Variants in SLK observed in about 807,000 individuals in gnomAD.
SLK encodes the protein STE20-like serine/threonine-protein kinase.
Under a neutral mutation model 147.7 loss-of-function variants are expected in SLK, and 67 were observed. That is an observed-to-expected ratio of 0.45 (90% confidence interval 0.37 to 0.56). SLK has a LOEUF of 0.56. SLK is among the 20% of genes least tolerant of loss of function. The pLI, the probability that SLK is intolerant of heterozygous loss-of-function variation, is 0.00. For missense variants in SLK, 1,136 were observed against 1,438.8 expected (o/e 0.79, Z 3.41); for synonymous variants, 441 against 475.0 (o/e 0.93, Z 0.93).
Position 104,026,486 on chromosome 10 carries a change from T to A in SLK, c.*766T>A, listed in dbSNP as rs905059736. 9 of 152,406 alleles carry A rather than the reference T, an allele frequency of 5.9e-5. No homozygotes were observed. The highest frequency in any genetic ancestry group is 1.9e-4 in the African/African-American group (8 of 41,454). The allele number at this position is 152,406 out of a possible 1,614,324, so 9.4% of individuals were successfully genotyped here. Reference sequence around the variant, plus strand: ...TTTGATAGAAATTTTCATCCTAAAATACATGTACAAAGTTTGGAAAGATGA... The same window carrying A: ...TTTGATAGAAATTTTCATCCTAAAAAACATGTACAAAGTTTGGAAAGATGA... On this transcript the variant is annotated 3_prime_UTR_variant, in exon 19 of 19. Transcript: ENST00000369755.
chr10:103,986,876 CCATG>C (rs1844023625), intron 1 of SLK, among the ~76,000 whole-genome samples: 1 of 151,992 alleles, frequency 6.6e-6, no homozygotes, highest in Admixed American at 6.6e-5. Context: ...TGGGGTTTCA[CCATG>C]TTGGCCAGGC....
chr10:104,009,516 CTA>C (rs891732323), intron 12 of SLK, among the ~76,000 whole-genome samples: 20 of 152,024 alleles, frequency 1.3e-4, no homozygotes, highest in African/African-American at 4.8e-4. Flanking sequence ...CTAAAAATCA[CTA>C]TTTTATTACT....
At chr10:104,011,878 G>A (rs947981998) in intron 13 of SLK, among the ~76,000 whole-genome samples, 3 of 152,150 alleles carry the variant, frequency 2.0e-5, no homozygotes, top group Non-Finnish European at 2.9e-5. Flanking sequence ...TCTTTACGAA[G>A]TGAGATAAAT....
At chr10:104,000,028 T>C (rs1844224992) in intron 7 of SLK, 80 bp downstream of exon 7, 2 of 640,518 alleles carry the variant, frequency 3.1e-6, no homozygotes, top group Non-Finnish European at 5.3e-6. Context: ...GTGCTTTCTT[T>C]CCACTTAAAT....
In SLK at chr10:103,979,295, G is replaced by A. The variant is rs555385509; in HGVS notation, c.151-11380G>A. Among the ~76,000 whole-genome samples, 3 of 152,342 alleles carry A rather than the reference G, an allele frequency of 2.0e-5. No homozygotes were observed. The South Asian group carries it at 6.2e-4, about 32-fold the overall frequency. On this transcript the variant is annotated intron_variant, in intron 1 of 18. Transcript: ENST00000369755. ...GCCTCCCAAAGTGCTGGGATTATAG[G>A]CGTGAGCCACCGTATCCAGCCAAGA...
intron 2 of SLK, among the ~76,000 whole-genome samples, chr10:103,991,780 G>A (rs990852718): frequency 2.6e-5 from 4 of 152,102 alleles, no homozygotes; most frequent in Admixed American, 2.0e-4. Context: ...TTAAAAATAT[G>A]TTATTTTTTA....
intron 13 of SLK, among the ~76,000 whole-genome samples, chr10:104,016,346 T>C (rs1015306901): frequency 1.3e-5 from 2 of 151,922 alleles, no homozygotes; most frequent in Non-Finnish European, 2.9e-5. Context: ...ATTTTACAAT[T>C]GAAATTAGAG....
Position 103,999,327 on chromosome 10 carries a change from T to G in SLK, c.782+14T>G. Reference sequence around the variant, plus strand: ...GCCATCCAGATGGTAAAAATATTCTTAAAAAAGCTTAATAAGAAACAAATG... The same window carrying G: ...GCCATCCAGATGGTAAAAATATTCTGAAAAAAGCTTAATAAGAAACAAATG... On this transcript the variant is annotated intron_variant, in intron 6 of 18. Transcript: ENST00000369755. 1 of 1,561,590 alleles carries G rather than the reference T, an allele frequency of 6.4e-7. No homozygotes were observed. The highest frequency in any genetic ancestry group is 8.7e-7 in the Non-Finnish European group (1 of 1,153,250).
At chr10:103,985,815 CAGG>C (rs1844005231) in intron 1 of SLK, among the ~76,000 whole-genome samples, 1 of 152,110 alleles carries the variant, frequency 6.6e-6, no homozygotes, top group Non-Finnish European at 1.5e-5. Flanking sequence ...ACTCACCACC[CAGG>C]GAATACCTTC....
At position 104,003,239 on chromosome 10, in the gene SLK, A is replaced by T. The variant is rs1844279263; in HGVS notation, c.2061A>T (p.Pro687=). 2.5e-6 allele frequency: 4 copies of T among 1,612,394 alleles called. No individual in the cohort carries two copies. Among genetic ancestry groups the T allele is most frequent in the Non-Finnish European group, 3.4e-6 (4 of 1,179,576 alleles). Residue 687 remains proline, a synonymous_variant, in exon 9 of 19, where the codon CCA becomes CCT. Coordinates refer to ENST00000369755, the MANE Select transcript of SLK (RefSeq NM_014720.4). Reference sequence around the variant, plus strand: ...TAGATAAAGAGAAAAAAGAAATTCCAGTGTCAATTAAAAAAGAGCCTGAAG... The same window carrying T: ...TAGATAAAGAGAAAAAAGAAATTCCTGTGTCAATTAAAAAAGAGCCTGAAG... The part of the protein sequence containing the change: ...TQIDKEKKEI[P]VSIKKEPEVT...
chr10:103,987,972 TTAATA>T (rs1330371870), intron 1 of SLK, among the ~76,000 whole-genome samples: 1 of 152,046 alleles, frequency 6.6e-6, no homozygotes, highest in African/African-American at 2.4e-5. Flanking sequence ...GCATAGACAT[TTAATA>T]TAAGTTTTAT....
chr10:103,990,917 A>G (rs1844084741), intron 2 of SLK, 78 bp downstream of exon 2: 1 of 855,800 alleles, frequency 1.2e-6, no homozygotes, highest in South Asian at 3.1e-5. Context: ...AATTATTAAA[A>G]CCTATTTTAT....
rs1321948337 is a variant in SLK at position 103,989,471 on chromosome 10, T to TTTTTTC, written c.151-1199_151-1198insCTTTTT. 2.0e-3 allele frequency among the ~76,000 whole-genome samples: 284 copies of TTTTTTC among 140,646 alleles called. 11 individuals carry two copies. The highest frequency in any genetic ancestry group is 7.4e-3 in the African/African-American group (268 of 36,382). 92.3% of individuals were successfully genotyped at this position (140,646 alleles called of 152,430 possible). On this transcript the variant is annotated intron_variant, in intron 1 of 18. Coordinates refer to ENST00000369755, the MANE Select transcript of SLK (RefSeq NM_014720.4). Reference sequence around the variant, plus strand: ...AAGACAGTGTGGCAGTTTCTTTTTTTTTTTTTTTTTTTTTGGAGACAGAGT... The same window carrying TTTTTTC: ...AAGACAGTGTGGCAGTTTCTTTTTTTTTTTTCTTTTTTTTTTTTTTGGAGACAGAGT...
rs1589547033 is a variant in SLK, at chr10:104,019,024, A to G, written c.3132+116A>G. ...ATTTTAGATTTCCTTTCTGTCTTTT[A>G]TCCTACAATTTCTTGGATGAAGTTT... On this transcript the variant is annotated intron_variant, in intron 15 of 18. Transcript: ENST00000369755. 10 of 1,028,692 alleles carry G rather than the reference A, an allele frequency of 9.7e-6. No homozygotes were observed. In the East Asian group the frequency reaches 2.6e-4, roughly 27 times the overall value. 63.7% of individuals were successfully genotyped at this position (1,028,692 alleles called of 1,614,324 possible).
Position 103,998,951 on chromosome 10 carries a change from C to G in SLK, c.567C>G (p.Ser189=), listed in dbSNP as rs761478126. ...KNTRTIQRRD[S]FIGTPYWMAP... ...CGAGGACAATTCAAAGAAGAGATTC[C>G]TTTATTGGTACACCATATTGGTATG... is the stretch of plus-strand genomic sequence containing the variant. The change falls in exon 5 of 19, where the codon TCC becomes TCG. Residue 189 remains serine (S), a synonymous_variant. Coordinates refer to ENST00000369755, the MANE Select transcript of SLK (RefSeq NM_014720.4). 3.1e-6 allele frequency: 5 copies of G among 1,610,200 alleles called. No homozygotes were observed. The African/African-American group carries it at 5.3e-5, about 17-fold the overall frequency.
Position 104,009,010 on chromosome 10 carries a change from C to G in SLK, c.2784+654C>G, listed in dbSNP as rs1844366428. 2.6e-5 allele frequency among the ~76,000 whole-genome samples: 4 copies of G among 152,112 alleles called. No homozygotes were observed. In the South Asian group the frequency reaches 6.2e-4, roughly 24 times the overall value. On this transcript the variant is annotated intron_variant, in intron 12 of 18. Coordinates refer to ENST00000369755, the MANE Select transcript of SLK (RefSeq NM_014720.4). ...ATGAGAATGAGTTTTTTCATTGTTTCCTGAAACTGTTTCATATTGTTATAG... is the reference window on the plus strand; with the variant it reads ...ATGAGAATGAGTTTTTTCATTGTTTGCTGAAACTGTTTCATATTGTTATAG...
intron 13 of SLK, among the ~76,000 whole-genome samples, chr10:104,017,365 A>G (rs1844477491): frequency 6.6e-6 from 1 of 152,158 alleles, no homozygotes. Context: ...TACAGAAACT[A>G]TCTTCTTCTG....
chr10:104,018,144 T>G lies in SLK; in HGVS notation c.2878-16T>G. ...CATTAGATACTTATTAACTGACAAT[T>G]AACTGTTTTTAATAGGAACAAGAGT... On this transcript the variant is annotated splice_polypyrimidine_tract_variant and intron_variant, in intron 13 of 18. Transcript: ENST00000369755. The G allele has an allele frequency of 1.3e-6, 2 of 1,582,264 alleles. No homozygotes were observed. The highest frequency in any genetic ancestry group is 1.4e-5 in the African/African-American group (1 of 73,236).
Position 104,002,574 on chromosome 10 carries a change from A to C in SLK, c.1396A>C (p.Asn466His). 1 of 1,603,988 alleles carries C rather than the reference A, an allele frequency of 6.2e-7. No homozygotes were observed. The highest frequency in any genetic ancestry group is 8.5e-7 in the Non-Finnish European group (1 of 1,174,752). ...MITLETNIEH[N>H]LKSEEEKDQE... ...AACCTTAGAAACAAATATTGAACAT[A>C]ATCTAAAATCTGAGGAAGAAAAGGA... Residue 466 changes from asparagine to histidine, a missense_variant, in exon 9 of 19, where the codon AAT (asparagine) becomes CAT (histidine). By Grantham distance (68) the Asn-to-His change is moderately conservative. This residue lies in a region of SLK where 516 missense variants were observed against 531.3 expected (regional missense o/e 0.97). Transcript: ENST00000369755.
Sources: gnomAD v4.1 joint callset for allele counts (sites outside exome capture counted in the v4.1 genomes callset) on GRCh38, gnomAD v4.1.1 for gene constraint, gnomAD v4.1.1 regional missense constraint, MANE v1.5 for transcripts, NCBI Gene and HGNC (gene_info 2026-07-23, HGNC 2026-07-21) for gene names.